Variants in ARB2A observed in about 807,000 individuals in gnomAD.
ARB2A encodes cotranscriptional regulator ARB2A.
At chr5:93,913,564 T>C in the ARB2A span, among the ~76,000 whole-genome samples, 1 of 151,940 alleles carries the variant, frequency 6.6e-6, no homozygotes, top group Admixed American at 6.6e-5. Flanking sequence ...TTTGCTGTCC[T>C]ATTGCTTACT....
the ARB2A span, among the ~76,000 whole-genome samples, chr5:93,725,190 A>G: frequency 1.5e-4 from 23 of 152,152 alleles, no homozygotes; most frequent in Admixed American, 2.6e-4. Flanking sequence ...TAAGGGGGGA[A>G]CTACTGTATT....
chr5:93,808,318 A>C, the ARB2A span, among the ~76,000 whole-genome samples: 19 of 151,866 alleles, frequency 1.3e-4, no homozygotes, highest in Non-Finnish European at 2.4e-4. Context: ...TGATTTCTTA[A>C]ATTTCTTGGC....
chr5:94,058,938 C>A, the ARB2A span, among the ~76,000 whole-genome samples: 1 of 152,004 alleles, frequency 6.6e-6, no homozygotes, highest in Non-Finnish European at 1.5e-5. Context: ...GAAGGTGGCA[C>A]CTCTTCCTTC....
the ARB2A span, among the ~76,000 whole-genome samples, chr5:93,849,845 A>T: frequency 6.6e-6 from 1 of 152,222 alleles, no homozygotes; most frequent in African/African-American, 2.4e-5. Context: ...GCTCAAAAGG[A>T]TAAGGAAAAT....
the ARB2A span, chr5:93,865,314 C>T: frequency 1.4e-6 from 1 of 735,700 alleles, no homozygotes; most frequent in Non-Finnish European, 1.7e-6. Context: ...ATCTCCTGAC[C>T]TTGTGATCCG....
chr5:93,683,470 T>C, the ARB2A span: 20 of 1,594,834 alleles, frequency 1.3e-5, no homozygotes, highest in Non-Finnish European at 1.4e-5. Context: ...CTGTTGGCTG[T>C]ACAGACATTT....
At chr5:94,080,620 C>T in the ARB2A span, among the ~76,000 whole-genome samples, 9 of 152,178 alleles carry the variant, frequency 5.9e-5, no homozygotes, top group Non-Finnish European at 1.0e-4. Flanking sequence ...CTGCTTCATC[C>T]TAGGTCATAC....
chr5:93,711,526 A>AG, the ARB2A span, among the ~76,000 whole-genome samples: 1 of 152,208 alleles, frequency 6.6e-6, no homozygotes, highest in East Asian at 1.9e-4. Context: ...GAACCCAGGC[A>AG]GGACTTCCGA....
the ARB2A span, among the ~76,000 whole-genome samples, chr5:93,747,493 G>A: frequency 6.6e-6 from 1 of 152,000 alleles, no homozygotes. Flanking sequence ...AAAATTCTAA[G>A]CAAAATTTAC....
chr5:93,771,516 G>A, the ARB2A span, among the ~76,000 whole-genome samples: 1 of 151,702 alleles, frequency 6.6e-6, no homozygotes, highest in Non-Finnish European at 1.5e-5. Context: ...GAGTGAACAG[G>A]CAACCTACAA....
chr5:93,726,254 TTC>T, the ARB2A span, among the ~76,000 whole-genome samples: 1 of 152,048 alleles, frequency 6.6e-6, no homozygotes, highest in Non-Finnish European at 1.5e-5. Flanking sequence ...TTCAAAACTC[TTC>T]TCTGGGGAAG....
chr5:94,057,314 T>C, the ARB2A span, among the ~76,000 whole-genome samples: 1 of 152,204 alleles, frequency 6.6e-6, no homozygotes, highest in South Asian at 2.1e-4. Context: ...TGATTGCACA[T>C]TTCTGAGATT....
chr5:94,042,366 C>A, the ARB2A span, among the ~76,000 whole-genome samples: 3 of 137,780 alleles, frequency 2.2e-5, no homozygotes, highest in South Asian at 2.3e-4. Context: ...GTAGCCCAGG[C>A]GCGACCTCAG....
chr5:93,840,593 A>T, the ARB2A span, among the ~76,000 whole-genome samples: 1 of 152,090 alleles, frequency 6.6e-6, no homozygotes, highest in African/African-American at 2.4e-5. Context: ...ATCCTTTGAC[A>T]TATTTCTAGA....
chr5:93,943,593 G>C, the ARB2A span, among the ~76,000 whole-genome samples: 2 of 151,846 alleles, frequency 1.3e-5, no homozygotes, highest in African/African-American at 4.8e-5. Flanking sequence ...TTATCTACTA[G>C]GCATAGGTAT....
At chr5:94,041,503 G>A in the ARB2A span, among the ~76,000 whole-genome samples, 3 of 152,022 alleles carry the variant, frequency 2.0e-5, no homozygotes, top group Non-Finnish European at 4.4e-5. Flanking sequence ...ATATATGAAA[G>A]AGCTTAAATT....
At chr5:93,974,502 A>C in the ARB2A span, among the ~76,000 whole-genome samples, 12 of 152,210 alleles carry the variant, frequency 7.9e-5, no homozygotes, top group Non-Finnish European at 1.6e-4. Flanking sequence ...TAATAAGGGA[A>C]GAATTTAACA....
the ARB2A span, among the ~76,000 whole-genome samples, chr5:94,107,173 TCA>T: frequency 6.6e-6 from 1 of 152,208 alleles, no homozygotes; most frequent in Admixed American, 6.5e-5. Context: ...TTGATGGTCT[TCA>T]CAGTGTTATT....
the ARB2A span, among the ~76,000 whole-genome samples, chr5:93,817,382 T>C: frequency 6.6e-6 from 1 of 152,138 alleles, no homozygotes; most frequent in Non-Finnish European, 1.5e-5. Context: ...AGACTTAAGA[T>C]TGTCAAGATG....
Sources: allele counts gnomAD v4.1 joint callset (sites outside exome capture counted in the v4.1 genomes callset), GRCh38; gene constraint gnomAD v4.1.1; transcripts MANE v1.5; gene names NCBI Gene and HGNC (gene_info 2026-07-23, HGNC 2026-07-21).